GNAQ: variants seen among roughly 807,000 people sequenced by gnomAD.
GNAQ encodes G protein subunit alpha q.
Under a neutral mutation model 43.9 loss-of-function variants are expected in GNAQ, and 8 were observed. That is an observed-to-expected ratio of 0.18 (90% confidence interval 0.11 to 0.33). GNAQ has a LOEUF of 0.33. Ranked by LOEUF, GNAQ falls within the 10% of genes least tolerant of loss-of-function variation. The pLI is 1.00. For synonymous variants in GNAQ, 155 were observed against 170.7 expected (o/e 0.91, Z 0.71); for missense variants, 158 against 450.8 (o/e 0.35, Z 5.88).
At chr9:77,740,155 C>T (rs4744846) in intron 5 of GNAQ, among the ~76,000 whole-genome samples, 95,754 of 151,484 alleles carry the variant, frequency 0.63, 31,176 homozygotes, top group Non-Finnish European at 0.72. Flanking sequence ...ACACACGTGG[C>T]CGCCTGATTC....
At chr9:77,991,111 A>G (rs919476960) in intron 1 of GNAQ, among the ~76,000 whole-genome samples, 3 of 152,248 alleles carry the variant, frequency 2.0e-5, no homozygotes, top group Non-Finnish European at 4.4e-5. Flanking sequence ...CTTACTGACA[A>G]AACTGTTTCT....
chr9:77,923,199 A>G (rs1023287829), intron 1 of GNAQ, among the ~76,000 whole-genome samples: 3 of 152,152 alleles, frequency 2.0e-5, no homozygotes, highest in Admixed American at 2.0e-4. Context: ...ATTTTTCTAG[A>G]TAACACATAT....
rs1824066105 is a variant in GNAQ at position 78,031,759 on chromosome 9, C to T, written c.-524G>A. On this transcript the variant is annotated 5_prime_UTR_variant, in exon 1 of 7. Transcript: ENST00000286548. ...GCTCCCGGGCGCCCTCGGCCCTGTC[C>T]GCGCCCACCGCCCGGCTCGCGCGCA... is the stretch of plus-strand genomic sequence containing the variant. 6.8e-6 allele frequency among the ~76,000 whole-genome samples: 1 copy of T among 147,162 alleles called. No individual in the cohort carries two copies. Among genetic ancestry groups the T allele is most frequent in the Non-Finnish European group, 1.5e-5 (1 of 66,228 alleles).
chr9:77,853,806 A>G (rs947476799), intron 2 of GNAQ, among the ~76,000 whole-genome samples: 1 of 145,526 alleles, frequency 6.9e-6, no homozygotes, highest in African/African-American at 2.5e-5. Context: ...AAAAACCCAC[A>G]GGCACTATTT....
At chr9:77,980,370 A>G (rs537176001) in intron 1 of GNAQ, among the ~76,000 whole-genome samples, 2 of 152,322 alleles carry the variant, frequency 1.3e-5, no homozygotes, top group East Asian at 1.9e-4. Flanking sequence ...GTACTTACTC[A>G]GGTCCTAAGA....
At chr9:77,916,626 C>T (rs561917720) in intron 2 of GNAQ, among the ~76,000 whole-genome samples, 1 of 152,262 alleles carries the variant, frequency 6.6e-6, no homozygotes, top group East Asian at 1.9e-4. Context: ...CTCATAACCC[C>T]TCCATGCTAG....
intron 3 of GNAQ, among the ~76,000 whole-genome samples, chr9:77,802,720 A>C (rs889883942): frequency 2.0e-5 from 3 of 152,132 alleles, no homozygotes; most frequent in African/African-American, 7.2e-5. Flanking sequence ...ATGTATGTGT[A>C]ACAAGTATCT....
chr9:77,836,096 A>G (rs928106897), intron 2 of GNAQ, among the ~76,000 whole-genome samples: 1 of 152,244 alleles, frequency 6.6e-6, no homozygotes, highest in African/African-American at 2.4e-5. Flanking sequence ...AATCCAGACA[A>G]GTATACTTAA....
At chr9:77,992,679 C>A (rs1034925573) in intron 1 of GNAQ, among the ~76,000 whole-genome samples, 1 of 152,180 alleles carries the variant, frequency 6.6e-6, no homozygotes, top group African/African-American at 2.4e-5. Flanking sequence ...CATGGTGGCT[C>A]ATGCCTGTAA....
intron 1 of GNAQ, among the ~76,000 whole-genome samples, chr9:77,924,811 T>C (rs934058988): frequency 1.3e-5 from 2 of 152,154 alleles, no homozygotes; most frequent in Non-Finnish European, 2.9e-5. Flanking sequence ...GATATTTTCC[T>C]GTTGGCCAGA....
At position 77,716,431 on chromosome 9, in the gene GNAQ, T is replaced by C. The variant is rs566057219; in HGVS notation, c.*4892A>G. ...GAACAGTAAATATTCTTTTAAATAC[T>C]GCAAGTTAAAAATGTTTTCTGACAA... is the stretch of plus-strand genomic sequence containing the variant. On this transcript the variant is annotated 3_prime_UTR_variant, in exon 7 of 7. Coordinates refer to ENST00000286548, the MANE Select transcript of GNAQ (RefSeq NM_002072.5). 2 of 232,586 alleles carry C rather than the reference T, an allele frequency of 8.6e-6. No homozygotes were observed. Among genetic ancestry groups the C allele is most frequent in the Admixed American group, 5.6e-5 (1 of 17,770 alleles). The allele number at this position is 232,586 out of a possible 1,614,324, so 14.4% of individuals were successfully genotyped here.
At chr9:77,825,238 C>A (rs1321588063) in intron 2 of GNAQ, among the ~76,000 whole-genome samples, 1 of 152,166 alleles carries the variant, frequency 6.6e-6, no homozygotes, top group Non-Finnish European at 1.5e-5. Context: ...CCAAAAAGAT[C>A]TGCTGCAAAA....
At position 77,978,072 on chromosome 9, in the gene GNAQ, C is replaced by A. The variant is rs561093992; in HGVS notation, c.136+53028G>T. ...TGAAAAGTAATACATGTGCAGGTAA[C>A]TTTTCCTAAACAGAAGCATGGTAAA... On this transcript the variant is annotated intron_variant, in intron 1 of 6. Transcript: ENST00000286548. 3.3e-5 allele frequency among the ~76,000 whole-genome samples: 5 copies of A among 152,278 alleles called. No individual in the cohort carries two copies. In the East Asian group the frequency reaches 7.7e-4, roughly 24 times the overall value.
intron 5 of GNAQ, among the ~76,000 whole-genome samples, chr9:77,758,401 TTAA>T (rs1223972637): frequency 5.3e-5 from 8 of 152,200 alleles, no homozygotes; most frequent in Non-Finnish European, 1.0e-4. Flanking sequence ...TGACACAGTA[TTAA>T]TAAGAAAAAC....
intron 6 of GNAQ, among the ~76,000 whole-genome samples, chr9:77,727,241 C>A (rs142481301): frequency 6.6e-6 from 1 of 152,190 alleles, no homozygotes; most frequent in Non-Finnish European, 1.5e-5. Context: ...TGGGCTTGAA[C>A]TCCTGTGCTC....
intron 2 of GNAQ, among the ~76,000 whole-genome samples, chr9:77,882,887 TA>T (rs1828238185): frequency 1.3e-5 from 2 of 152,230 alleles, no homozygotes; most frequent in Admixed American, 6.5e-5. Context: ...TGAGGGAAAC[TA>T]TCTGAGCATT....
rs377005411 is a variant in GNAQ at position 77,764,516 on chromosome 9, C to T, written c.735+29947G>A. ...TGTCACCCAGGCTGGAATGCAGTGG[C>T]GCGATCTCAGCTCACTGCAAGCTCT... On this transcript the variant is annotated intron_variant, in intron 5 of 6. Coordinates refer to ENST00000286548, the MANE Select transcript of GNAQ (RefSeq NM_002072.5). 1.1e-4 allele frequency among the ~76,000 whole-genome samples: 17 copies of T among 151,356 alleles called. No homozygotes were observed. In the East Asian group the frequency reaches 1.8e-3, roughly 16 times the overall value.
chr9:77,820,700 C>T (rs909813404), intron 2 of GNAQ, among the ~76,000 whole-genome samples: 3 of 152,182 alleles, frequency 2.0e-5, no homozygotes, highest in African/African-American at 7.2e-5. Flanking sequence ...TACTGAATCT[C>T]AAATTAGTAA....
chr9:77,773,323 A>G (rs985363809), intron 5 of GNAQ, among the ~76,000 whole-genome samples: 1 of 152,272 alleles, frequency 6.6e-6, no homozygotes, highest in Admixed American at 6.5e-5. Context: ...AATGAAAGTT[A>G]TAACACTAAC....
Sources: gnomAD v4.1 joint callset for allele counts (sites outside exome capture counted in the v4.1 genomes callset) on GRCh38, gnomAD v4.1.1 for gene constraint, MANE v1.5 for transcripts, NCBI Gene and HGNC (gene_info 2026-07-23, HGNC 2026-07-21) for gene names.